MPP4: variants seen among roughly 807,000 people sequenced by gnomAD.
MPP4 encodes MAGUK p55 scaffold protein 4.
MPP4 carries 91 observed loss-of-function variants against 98.3 expected under a neutral mutation model. The observed-to-expected ratio is 0.93, with a 90% CI of 0.78 to 1.10. The LOEUF (loss-of-function observed/expected upper bound fraction) is 1.10, where lower values mean the gene tolerates loss of function less well. Among genes scored for constraint, MPP4 ranks in the 50% least tolerant of loss-of-function variants. The pLI, the probability that MPP4 is intolerant of heterozygous loss-of-function variation, is 0.00. For synonymous variants in MPP4, 261 were observed against 271.8 expected (o/e 0.96, Z 0.39); for missense variants, 744 against 792.9 (o/e 0.94, Z 0.74).
chr2:201,669,587 AGAGC>A lies in MPP4; in HGVS notation c.1012+142_1012+145del. 4 of 434 alleles carry A rather than the reference AGAGC, an allele frequency of 9.2e-3. 2 individuals carry two copies. Among genetic ancestry groups the A allele is most frequent in the Admixed American group, 0.12 (2 of 16 alleles). The allele number at this position is 434 out of a possible 1,614,324, so 0.0% of individuals were successfully genotyped here. On this transcript the variant is annotated intron_variant, in intron 12 of 21. Coordinates refer to ENST00000409474, the MANE Select transcript of MPP4 (RefSeq NM_033066.3). ...CTATCACACTACTAGGTATATAGGA[AGAGC>A]TTAATAATGACTATCACACTACTAG...
chr2:201,690,162 C>T (rs769831862), intron 4 of MPP4, 40 bp downstream of exon 4: 34 of 1,412,074 alleles, frequency 2.4e-5, no homozygotes, highest in Non-Finnish European at 3.1e-5. Context: ...AATGGCACCA[C>T]ATCAGAGCTC....
At position 201,682,897 on chromosome 2, in the gene MPP4, G is replaced by T. The variant is rs376964456; in HGVS notation, c.594C>A (p.Asp198Glu). The change falls in exon 8 of 22, where the codon GAC becomes GAA. Residue 198 changes from aspartate (D) to glutamate (E), a missense_variant. Physicochemically the swap from Asp to Glu is conservative, Grantham distance 45. Transcript: ENST00000409474. Reference protein sequence around the residue: ...AERSGLLYAGDKLVEVNGVSV... With the variant: ...AERSGLLYAGEKLVEVNGVSV... The stretch of plus-strand genomic sequence containing the variant: ...AAACTCCATTCACTTCTACCAGTTT[G>T]TCTCCAGCATATAGCAACCCTAGGC... 24 of 1,613,766 alleles carry T rather than the reference G, an allele frequency of 1.5e-5. No individual in the cohort carries two copies. In the African/African-American group the frequency reaches 2.4e-4, roughly 16 times the overall value.
intron 2 of MPP4, 119 bp from the exon 3 acceptor site, chr2:201,693,148 A>C: frequency 8.7e-6 from 10 of 1,148,444 alleles, no homozygotes; most frequent in South Asian, 1.7e-5. Context: ...ACTGGATCTC[A>C]GGCCAAAAGA....
At chr2:201,681,131 C>T (rs1293740609) in intron 9 of MPP4, 97 bp from the exon 10 acceptor site, 3 of 1,228,160 alleles carry the variant, frequency 2.4e-6, no homozygotes, top group Non-Finnish European at 2.3e-6. Context: ...AACCATTTCT[C>T]CCACTCCTCC....
intron 7 of MPP4, among the ~76,000 whole-genome samples, chr2:201,684,766 C>T (rs1033359492): frequency 6.6e-5 from 10 of 151,628 alleles, no homozygotes; most frequent in East Asian, 1.9e-4. Context: ...CTGGCTAACA[C>T]GGTGAAACCC....
intron 11 of MPP4, among the ~76,000 whole-genome samples, chr2:201,671,104 C>T (rs1321879607): frequency 3.9e-5 from 6 of 152,168 alleles, no homozygotes; most frequent in Admixed American, 6.5e-5. Context: ...CCACCAGGGC[C>T]GTGGGTTTCA....
At chr2:201,660,525 C>G (rs1309137040) in intron 14 of MPP4, among the ~76,000 whole-genome samples, 179 bp from the exon 15 acceptor site, 2 of 152,158 alleles carry the variant, frequency 1.3e-5, no homozygotes, top group South Asian at 2.1e-4. Flanking sequence ...GACTGAGAAA[C>G]TGGTTTGCCC....
intron 18 of MPP4, 118 bp downstream of exon 18, chr2:201,654,719 A>C: frequency 1.8e-6 from 1 of 552,736 alleles, no homozygotes; most frequent in Non-Finnish European, 2.9e-6. Flanking sequence ...GAAATACTTA[A>C]GAACTATCCC....
intron 4 of MPP4, among the ~76,000 whole-genome samples, chr2:201,688,555 T>C (rs1460771558): frequency 3.3e-5 from 5 of 152,098 alleles, no homozygotes; most frequent in Admixed American, 2.0e-4. Context: ...ATTGCTGACA[T>C]AAGGAATGGC....
chr2:201,693,408 CCT>C (rs1689094877), intron 2 of MPP4, among the ~76,000 whole-genome samples: 1 of 152,116 alleles, frequency 6.6e-6, no homozygotes, highest in African/African-American at 2.4e-5. Context: ...TGTTCTGTAT[CCT>C]CTTTCTCTAA....
chr2:201,686,019 T>C lies in MPP4; in HGVS notation c.392A>G (p.Gln131Arg), dbSNP rs2105943705. Reference sequence around the variant, plus strand: ...AGGGAGAAGGGGTTCAAAATCTTTCTGAGCTATCGTGTCATGGGCACTGAG... The same window carrying C: ...AGGGAGAAGGGGTTCAAAATCTTTCCGAGCTATCGTGTCATGGGCACTGAG... ...ALLSAHDTIA[Q>R]KDFEPLLPPL... Residue 131 changes from glutamine to arginine, a missense_variant, in exon 6 of 22, where the codon CAG becomes CGG. Coordinates refer to ENST00000409474, the MANE Select transcript of MPP4 (RefSeq NM_033066.3). The C allele has an allele frequency of 6.2e-7, 1 of 1,612,480 alleles. No individual in the cohort carries two copies. Among genetic ancestry groups the C allele is most frequent in the South Asian group, 1.1e-5 (1 of 91,062 alleles).
chr2:201,674,223 T>C (rs1288156355), intron 11 of MPP4, among the ~76,000 whole-genome samples: 2 of 152,232 alleles, frequency 1.3e-5, no homozygotes, highest in African/African-American at 4.8e-5. Context: ...CAGCCTTGCT[T>C]GCCAGTCAGG....
chr2:201,677,817 A>G (rs916717697), intron 10 of MPP4, among the ~76,000 whole-genome samples: 1 of 152,220 alleles, frequency 6.6e-6, no homozygotes, highest in Non-Finnish European at 1.5e-5. Context: ...GAAGAGAGAA[A>G]AATTGTTTGT....
intron 16 of MPP4, 129 bp downstream of exon 16, chr2:201,658,348 A>G (rs1687918517): frequency 1.4e-6 from 1 of 727,494 alleles, no homozygotes; most frequent in Non-Finnish European, 2.3e-6. Flanking sequence ...GACAGAAAGA[A>G]AAGGAAACTA....
chr2:201,689,369 T>C (rs13008898), intron 4 of MPP4, among the ~76,000 whole-genome samples: 120,603 of 152,066 alleles, frequency 0.79, 48,332 homozygotes, highest in East Asian at 0.99. Flanking sequence ...GTGTTTACTC[T>C]GAGATGGGAA....
In MPP4 at chr2:201,675,347, G is replaced by C. The variant is rs1228266770; in HGVS notation, c.930-76C>G. 7 of 1,378,468 alleles carry C rather than the reference G, an allele frequency of 5.1e-6. No homozygotes were observed. In the South Asian group the frequency reaches 8.7e-5, roughly 17 times the overall value. The allele number at this position is 1,378,468 out of a possible 1,614,324, so 85.4% of individuals were successfully genotyped here. A position where few individuals can be genotyped will look rare whatever the true frequency, so the allele number is the denominator to read the frequency against. Reference sequence around the variant, plus strand: ...TGTTAACCTAGATGAAACAGACCCAGAGCAACGACAAACAGAATGTTTCTT... The same window carrying C: ...TGTTAACCTAGATGAAACAGACCCACAGCAACGACAAACAGAATGTTTCTT... On this transcript the variant is annotated intron_variant, in intron 10 of 21. Transcript: ENST00000409474.
chr2:201,665,392 A>G (rs1688151390), intron 13 of MPP4: 1 of 152,150 alleles, frequency 6.6e-6, no homozygotes, highest in Non-Finnish European at 1.5e-5. Context: ...TTATGTGCAC[A>G]GAATATGTCT....
chr2:201,661,044 C>G lies in MPP4; in HGVS notation c.1073-698G>C, dbSNP rs935834657. On this transcript the variant is annotated intron_variant, in intron 14 of 21. Coordinates refer to ENST00000409474, the MANE Select transcript of MPP4 (RefSeq NM_033066.3). ...CAAGCAATTCTCTTGCCTCAACCTC[C>G]TGAGTAGCTGGGATTATAGGCATGA... Among the ~76,000 whole-genome samples, 7 of 152,254 alleles carry G rather than the reference C, an allele frequency of 4.6e-5. No homozygotes were observed. In the East Asian group the frequency reaches 9.7e-4, roughly 21 times the overall value.
At chr2:201,690,625 A>G (rs763921015) in intron 3 of MPP4, among the ~76,000 whole-genome samples, 40 of 152,198 alleles carry the variant, frequency 2.6e-4, no homozygotes, top group Non-Finnish European at 4.3e-4. Context: ...TGATGCATAA[A>G]GGAGCGTCTT....
Sources: allele counts gnomAD v4.1 joint callset (sites outside exome capture counted in the v4.1 genomes callset), GRCh38; gene constraint gnomAD v4.1.1; transcripts MANE v1.5; gene names NCBI Gene and HGNC (gene_info 2026-07-23, HGNC 2026-07-21).